PALLD: variants seen among roughly 807,000 people sequenced by gnomAD.
The protein encoded by PALLD is palladin.
In PALLD, 61 loss-of-function variants were observed where a neutral mutation model predicts 123.5. The ratio of observed to expected loss-of-function variants is 0.49; its 90% CI spans 0.40 to 0.61. The LOEUF is 0.61. Ranked by LOEUF, PALLD falls within the 20% of genes least tolerant of loss-of-function variation. PALLD has a pLI of 0.00. For missense variants in PALLD, 1,273 were observed against 1,377.0 expected (o/e 0.92, Z 1.20); for synonymous variants, 465 against 496.4 (o/e 0.94, Z 0.84).
At chr4:168,807,264 TAC>T (rs910673415) in intron 10 of PALLD, among the ~76,000 whole-genome samples, 14 of 148,256 alleles carry the variant, frequency 9.4e-5, no homozygotes, top group African/African-American at 2.5e-4. Context: ...AAGCTATGAG[TAC>T]ACACACACAC....
intron 2 of PALLD, among the ~76,000 whole-genome samples, chr4:168,656,821 A>G (rs1293132213): frequency 1.3e-5 from 2 of 152,194 alleles, no homozygotes. Flanking sequence ...AGAAATCAAC[A>G]TTTCACATTA....
intron 10 of PALLD, among the ~76,000 whole-genome samples, chr4:168,728,889 C>A (rs1221191889): frequency 6.6e-6 from 1 of 152,130 alleles, no homozygotes; most frequent in East Asian, 1.9e-4. Context: ...CCAAGGTCCA[C>A]TGTATCATTC....
intron 10 of PALLD, among the ~76,000 whole-genome samples, chr4:168,758,671 C>G (rs1291624824): frequency 6.6e-6 from 1 of 151,546 alleles, no homozygotes; most frequent in African/African-American, 2.4e-5. Context: ...TTTTTTTAGA[C>G]TAGAGAAAAA....
At chr4:168,739,538 A>G (rs1788119949) in intron 10 of PALLD, among the ~76,000 whole-genome samples, 1 of 152,246 alleles carries the variant, frequency 6.6e-6, no homozygotes, top group African/African-American at 2.4e-5. Context: ...AAGTTGTTGT[A>G]TATTTCAGAA....
intron 10 of PALLD, among the ~76,000 whole-genome samples, chr4:168,830,188 C>T (rs34845474): frequency 0.059 from 8,700 of 148,052 alleles, 327 homozygotes; most frequent in South Asian, 0.15. Flanking sequence ...GCCGAGATCA[C>T]GCCACTGCAC....
At chr4:168,875,861 C>A (rs1348529997) in intron 10 of PALLD, among the ~76,000 whole-genome samples, 1 of 152,242 alleles carries the variant, frequency 6.6e-6, no homozygotes, top group Non-Finnish European at 1.5e-5. Context: ...TCAAGAGTCA[C>A]TCCCTAATTC....
intron 2 of PALLD, among the ~76,000 whole-genome samples, chr4:168,570,844 A>G (rs1165678630): frequency 1.3e-5 from 2 of 152,146 alleles, no homozygotes; most frequent in Admixed American, 1.3e-4. Flanking sequence ...ATTCCTGAAT[A>G]TTGATCAGTT....
chr4:168,598,021 C>T (rs1241072248), intron 2 of PALLD, among the ~76,000 whole-genome samples: 2 of 152,050 alleles, frequency 1.3e-5, no homozygotes, highest in Non-Finnish European at 2.9e-5. Flanking sequence ...ATCCAAGAGC[C>T]TATTTACTAC....
intron 10 of PALLD, among the ~76,000 whole-genome samples, chr4:168,809,803 G>A (rs901510182): frequency 1.3e-5 from 2 of 151,372 alleles, no homozygotes; most frequent in Admixed American, 6.6e-5. Flanking sequence ...GGTAGAAGTT[G>A]CAGTGAGCTG....
In PALLD at chr4:168,678,259, T is replaced by G. The variant is rs759538024; in HGVS notation, c.1088-3073T>G. Among the ~76,000 whole-genome samples, 5 of 152,140 alleles carry G rather than the reference T, an allele frequency of 3.3e-5. No homozygotes were observed. The South Asian group carries it at 6.2e-4, about 19-fold the overall frequency. ...TTCCTTGGTGTCCTTGTCTATAAAT[T>G]GGACATAATTCACTTCTTAGTGAGG... is the stretch of plus-strand genomic sequence containing the variant. On this transcript the variant is annotated intron_variant, in intron 3 of 21. Transcript: ENST00000505667.
At chr4:168,920,453 T>G (rs909181269) in intron 17 of PALLD, among the ~76,000 whole-genome samples, 1 of 152,182 alleles carries the variant, frequency 6.6e-6, no homozygotes, top group Non-Finnish European at 1.5e-5. Context: ...AAGAACTGTT[T>G]TACAGTCTAA....
intron 8 of PALLD, chr4:168,700,422 G>A (rs982822604): frequency 4.7e-4 from 72 of 152,058 alleles, no homozygotes; most frequent in African/African-American, 1.6e-3. Flanking sequence ...TTTATGCATG[G>A]AAGTATTCCT....
intron 8 of PALLD, among the ~76,000 whole-genome samples, chr4:168,701,586 T>C (rs1783673635): frequency 6.6e-6 from 1 of 152,240 alleles, no homozygotes. Flanking sequence ...CACTTTATAT[T>C]ATCCCTACTG....
chr4:168,555,857 GT>G (rs1767228418), intron 2 of PALLD, among the ~76,000 whole-genome samples: 1 of 152,180 alleles, frequency 6.6e-6, no homozygotes, highest in African/African-American at 2.4e-5. Flanking sequence ...TAGCATAGTT[GT>G]TAAGACCTAG....
At chr4:168,645,064 C>G (rs895554201) in intron 2 of PALLD, among the ~76,000 whole-genome samples, 2 of 149,814 alleles carry the variant, frequency 1.3e-5, no homozygotes, top group African/African-American at 5.0e-5. Context: ...CACCAGTGCA[C>G]TCCAGCCTGG....
At position 168,913,999 on chromosome 4, in the gene PALLD, T is replaced by A. The variant is rs182571219; in HGVS notation, c.2695T>A (p.Ser899Thr). 4.7e-5 allele frequency: 76 copies of A among 1,608,266 alleles called. No individual in the cohort carries two copies. In the Middle Eastern group the frequency reaches 2.3e-3, roughly 49 times the overall value. ...NQRGRSPRSPSGHPHVRRPRS... is the reference protein window; with the variant it reads ...NQRGRSPRSPTGHPHVRRPRS... ...AAGAGGTCGAAGTCCCCGGTCTCCC[T>A]CAGGCCATCCTCATGTCAGAAGGTA... The change falls in exon 16 of 22, where the codon TCA becomes ACA. Residue 899 changes from serine to threonine, a missense_variant. By Grantham distance (58) the Ser-to-Thr change is moderately conservative. Transcript: ENST00000505667.
chr4:168,726,904 C>T (rs893577548), intron 10 of PALLD, among the ~76,000 whole-genome samples: 1 of 152,136 alleles, frequency 6.6e-6, no homozygotes, highest in Admixed American at 6.5e-5. Flanking sequence ...TGGTAGTTAG[C>T]AGTGTCTGTC....
At chr4:168,835,512 G>A (rs989718759) in intron 10 of PALLD, among the ~76,000 whole-genome samples, 6 of 152,154 alleles carry the variant, frequency 3.9e-5, no homozygotes, top group Non-Finnish European at 8.8e-5. Context: ...GCCATACAGA[G>A]AGGAAATTGA....
At position 168,927,661 on chromosome 4, in the gene PALLD, CTT is replaced by C. The variant is rs1762729731; in HGVS notation, c.*1483_*1484del. 4.4e-6 allele frequency: 1 copy of C among 226,266 alleles called. No individual in the cohort carries two copies. The highest frequency in any genetic ancestry group is 8.8e-6 in the Non-Finnish European group (1 of 113,502). The allele number at this position is 226,266 out of a possible 1,614,324, so 14.0% of individuals were successfully genotyped here. On this transcript the variant is annotated 3_prime_UTR_variant, in exon 22 of 22. Coordinates refer to ENST00000505667, the MANE Select transcript of PALLD (RefSeq NM_001166108.2). ...AGTTCACTTCCCTGCTGCCATGAAA[CTT>C]TGCCTTAAGAAGGTGCTGGATTCCA...
Sources: gnomAD v4.1 joint callset for allele counts (sites outside exome capture counted in the v4.1 genomes callset) on GRCh38, gnomAD v4.1.1 for gene constraint, MANE v1.5 for transcripts, NCBI Gene and HGNC (gene_info 2026-07-23, HGNC 2026-07-21) for gene names.